The following PDCD6IP variants were observed in gnomAD, a reference collection of about 807,000 sequenced individuals.
PDCD6IP encodes programmed cell death 6-interacting protein.
In PDCD6IP, 43 loss-of-function variants were observed where a neutral mutation model predicts 103.7. The observed-to-expected ratio is 0.41, with a 90% CI of 0.32 to 0.53. The LOEUF (loss-of-function observed/expected upper bound fraction) is 0.53. Ranked by LOEUF, PDCD6IP falls within the 20% of genes least tolerant of loss-of-function variation. The pLI is 0.16. For missense variants in PDCD6IP, 871 were observed against 1,036.7 expected (o/e 0.84, Z 2.20); for synonymous variants, 354 against 378.7 (o/e 0.93, Z 0.76).
At chr3:33,853,151 C>T (rs868094484) in intron 13 of PDCD6IP, among the ~76,000 whole-genome samples, 5 of 152,128 alleles carry the variant, frequency 3.3e-5, no homozygotes, top group South Asian at 2.1e-4. Flanking sequence ...TCTCGATCTC[C>T]TGACCTCGTG....
At position 33,822,852 on chromosome 3, in the gene PDCD6IP, T is replaced by C. The variant is rs1697024623; in HGVS notation, c.462+770T>C. 2.6e-5 allele frequency among the ~76,000 whole-genome samples: 4 copies of C among 151,996 alleles called. No homozygotes were observed. In the South Asian group the frequency reaches 8.3e-4, roughly 32 times the overall value. On this transcript the variant is annotated intron_variant, in intron 4 of 17. Coordinates refer to ENST00000307296, the MANE Select transcript of PDCD6IP (RefSeq NM_013374.6). ...TTTTGTATTTTTAGTAGAGATGGGG[T>C]TTCACTGTGTTAGCCAGGATGGTCT... is the stretch of plus-strand genomic sequence containing the variant.
In PDCD6IP at chr3:33,841,822, A is replaced by C; in HGVS notation, c.1182-75A>C. On this transcript the variant is annotated intron_variant, in intron 9 of 17. Coordinates refer to ENST00000307296, the MANE Select transcript of PDCD6IP (RefSeq NM_013374.6). ...TGTTGATTTGGTTATAGAATACTAA[A>C]TTAAATAAAGTAAGTATTGATGAGG... The C allele has an allele frequency of 1.4e-5, 14 of 977,528 alleles. No homozygotes were observed. In the South Asian group the frequency reaches 2.2e-4, roughly 16 times the overall value. The allele number at this position is 977,528 out of a possible 1,614,324, so 60.6% of individuals were successfully genotyped here.
At chr3:33,814,630 TATA>T (rs1336093370) in intron 3 of PDCD6IP, among the ~76,000 whole-genome samples, 23 of 145,044 alleles carry the variant, frequency 1.6e-4, no homozygotes, top group Non-Finnish European at 3.2e-4. Context: ...TAATGTGTAT[TATA>T]TGTGCATATA....
chr3:33,830,331 G>A (rs1257135075), intron 7 of PDCD6IP, among the ~76,000 whole-genome samples: 8 of 152,094 alleles, frequency 5.3e-5, no homozygotes, highest in Admixed American at 2.0e-4. Flanking sequence ...TTTAAGGCTA[G>A]CATATTTAAA....
At chr3:33,829,504 C>T (rs1697200989) in intron 7 of PDCD6IP, among the ~76,000 whole-genome samples, 1 of 152,024 alleles carries the variant, frequency 6.6e-6, no homozygotes, top group South Asian at 2.1e-4. Flanking sequence ...TATATACACA[C>T]ATATATCTCT....
intron 13 of PDCD6IP, 97 bp downstream of exon 13, chr3:33,852,833 G>A: frequency 1.5e-6 from 2 of 1,373,016 alleles, no homozygotes; most frequent in Non-Finnish European, 1.9e-6. Flanking sequence ...TGACATTGGA[G>A]AATATCTGTA....
At position 33,836,041 on chromosome 3, in the gene PDCD6IP, T is replaced by C; in HGVS notation, c.835-3T>C. 2 of 1,499,958 alleles carry C rather than the reference T, an allele frequency of 1.3e-6. No individual in the cohort carries two copies. The highest frequency in any genetic ancestry group is 4.6e-5 in the East Asian group (2 of 43,810). 92.9% of individuals were successfully genotyped at this position (1,499,958 alleles called of 1,614,324 possible). A position where few individuals can be genotyped will look rare whatever the true frequency, so the allele number is the denominator to read the frequency against. On this transcript the variant is annotated splice_polypyrimidine_tract_variant and splice_region_variant and intron_variant, in intron 7 of 17. Transcript: ENST00000307296. ...TTTTTGTTGTTGACGTTTTTCTTTT[T>C]AGCATGCAGCAGAACTGATTAAAAC...
rs1014713207 is a variant in PDCD6IP, at chr3:33,868,517, G to T, written c.*1992G>T. On this transcript the variant is annotated 3_prime_UTR_variant, in exon 18 of 18. Coordinates refer to ENST00000307296, the MANE Select transcript of PDCD6IP (RefSeq NM_013374.6). ...CAGCACACCTGACTCACTCGGCTCT[G>T]TTAGTGTAACCTTTTAAATGTAGCA... The T allele has an allele frequency of 1.3e-5, 2 of 152,800 alleles. No individual in the cohort carries two copies. Among genetic ancestry groups the T allele is most frequent in the African/African-American group, 4.8e-5 (2 of 41,440 alleles). 9.5% of individuals were successfully genotyped at this position (152,800 alleles called of 1,614,324 possible). A position where few individuals can be genotyped will look rare whatever the true frequency, so the allele number is the denominator to read the frequency against.
In PDCD6IP at chr3:33,845,563, C is replaced by A. The variant is rs1248790842; in HGVS notation, c.1616C>A (p.Pro539Gln). The A allele has an allele frequency of 1.2e-5, 19 of 1,610,996 alleles. No homozygotes were observed. Among genetic ancestry groups the A allele is most frequent in the Non-Finnish European group, 1.6e-5 (19 of 1,178,238 alleles). Reference sequence around the variant, plus strand: ...AATGCTGCCATCCCTTCTGCTAATCCAGCAAAGACCATGCAGGGCAGTGAG... The same window carrying A: ...AATGCTGCCATCCCTTCTGCTAATCAAGCAAAGACCATGCAGGGCAGTGAG... ...ELNAAIPSAN[P>Q]AKTMQGSEVV... Residue 539 changes from proline (P) to glutamine (Q), a missense_variant, in exon 12 of 18, where the codon CCA becomes CAA. Pro to Gln is a moderately conservative substitution (Grantham distance 76). Coordinates refer to ENST00000307296, the MANE Select transcript of PDCD6IP (RefSeq NM_013374.6).
In PDCD6IP at chr3:33,827,244, TAAAG is replaced by T. The variant is rs1356826404; in HGVS notation, c.717+668_717+671del. On this transcript the variant is annotated intron_variant, in intron 6 of 17. Coordinates refer to ENST00000307296, the MANE Select transcript of PDCD6IP (RefSeq NM_013374.6). ...TCACTAGTAAATTTGGAATGATTAATAAAGAAAACTTAAAGATTGAGTGAAATAT... is the reference window on the plus strand; with the variant it reads ...TCACTAGTAAATTTGGAATGATTAATAAAACTTAAAGATTGAGTGAAATAT... 8 of 952,644 alleles carry T rather than the reference TAAAG, an allele frequency of 8.4e-6. No individual in the cohort carries two copies. The East Asian group carries it at 3.5e-4, about 41-fold the overall frequency. The allele number at this position is 952,644 out of a possible 1,614,324, so 59.0% of individuals were successfully genotyped here.
intron 1 of PDCD6IP, among the ~76,000 whole-genome samples, chr3:33,803,228 C>T (rs1036537747): frequency 1.3e-5 from 2 of 152,142 alleles, no homozygotes; most frequent in African/African-American, 4.8e-5. Flanking sequence ...TTTCAGCTCT[C>T]CACAGTGCTT....
At chr3:33,812,662 A>G (rs1368915908) in intron 2 of PDCD6IP, among the ~76,000 whole-genome samples, 1 of 152,208 alleles carries the variant, frequency 6.6e-6, no homozygotes, top group East Asian at 1.9e-4. Flanking sequence ...GATACTTTTA[A>G]ATTTTAAAAT....
At chr3:33,858,546 C>T (rs1412255424) in intron 15 of PDCD6IP, among the ~76,000 whole-genome samples, 2 of 152,072 alleles carry the variant, frequency 1.3e-5, no homozygotes, top group Non-Finnish European at 2.9e-5. Flanking sequence ...CGCGGTGGCT[C>T]ACGCCTGAAA....
intron 1 of PDCD6IP, 57 bp downstream of exon 1, chr3:33,798,994 C>A (rs758133106): frequency 3.7e-5 from 51 of 1,390,174 alleles, no homozygotes; most frequent in Non-Finnish European, 4.8e-5. Context: ...CGCCGCTCCT[C>A]TTCCCGTCTC....
intron 4 of PDCD6IP, among the ~76,000 whole-genome samples, chr3:33,824,202 T>C (rs374829443): frequency 6.6e-6 from 1 of 152,168 alleles, no homozygotes; most frequent in African/African-American, 2.4e-5. Context: ...TTCATTTTAA[T>C]ACATTTGACT....
At position 33,825,143 on chromosome 3, in the gene PDCD6IP, G is replaced by A. The variant is rs200868783; in HGVS notation, c.463-44G>A. 6 of 1,532,884 alleles carry A rather than the reference G, an allele frequency of 3.9e-6. No homozygotes were observed. The East Asian group carries it at 1.4e-4, about 35-fold the overall frequency. 95.0% of individuals were successfully genotyped at this position (1,532,884 alleles called of 1,614,324 possible). ...TTTATATGTAACAGTAGGAAATTAA[G>A]TCTTGCTGAGTTCCTATAAAGAAAT... On this transcript the variant is annotated intron_variant, in intron 4 of 17. Transcript: ENST00000307296.
intron 12 of PDCD6IP, among the ~76,000 whole-genome samples, chr3:33,849,782 A>G (rs988595232): frequency 4.2e-4 from 64 of 152,240 alleles, no homozygotes; most frequent in African/African-American, 1.4e-3. Flanking sequence ...CTCTGTTAAA[A>G]TGAGGCCAGT....
intron 7 of PDCD6IP, among the ~76,000 whole-genome samples, chr3:33,832,282 C>T (rs1406422467): frequency 6.6e-6 from 1 of 152,036 alleles, no homozygotes; most frequent in African/African-American, 2.4e-5. Context: ...GAACTAATCC[C>T]CTATGAGGCC....
chr3:33,851,796 C>A (rs1697720309), intron 12 of PDCD6IP, among the ~76,000 whole-genome samples: 1 of 152,058 alleles, frequency 6.6e-6, no homozygotes, highest in Non-Finnish European at 1.5e-5. Flanking sequence ...GCACAAGAAC[C>A]CTCTTTCCTT....
Sources: allele counts gnomAD v4.1 joint callset (sites outside exome capture counted in the v4.1 genomes callset), GRCh38; gene constraint gnomAD v4.1.1; transcripts MANE v1.5; gene names NCBI Gene and HGNC (gene_info 2026-07-23, HGNC 2026-07-21).